Variants in ST6GAL1 observed in about 807,000 individuals in gnomAD.
ST6GAL1 encodes the protein beta-galactoside alpha-2,6-sialyltransferase 1.
In ST6GAL1, 20 loss-of-function variants were observed where a neutral mutation model predicts 38.0. That is an observed-to-expected ratio of 0.53 (90% CI 0.37 to 0.77). The LOEUF (loss-of-function observed/expected upper bound fraction) is 0.77, where lower values mean the gene tolerates loss of function less well. Among genes scored for constraint, ST6GAL1 ranks in the 30% least tolerant of loss-of-function variants. The pLI is 0.00. For missense variants in ST6GAL1, 432 were observed against 496.4 expected (o/e 0.87, Z 1.23); for synonymous variants, 196 against 188.2 (o/e 1.04, Z -0.34).
intron 2 of ST6GAL1, among the ~76,000 whole-genome samples, chr3:186,994,337 T>G (rs1188465925): frequency 6.6e-6 from 1 of 152,166 alleles, no homozygotes; most frequent in Non-Finnish European, 1.5e-5. Context: ...AATGTTTGTC[T>G]TTTTAGTGTA....
intron 1 of ST6GAL1, chr3:186,931,310 T>G (rs1322702517): frequency 4.0e-5 from 6 of 148,730 alleles, no homozygotes; most frequent in Non-Finnish European, 8.9e-5. Context: ...CGCCCTGCGG[T>G]GCCGGGCCAT....
chr3:187,043,927 T>A (rs1718212220), intron 4 of ST6GAL1: 1 of 152,246 alleles, frequency 6.6e-6, no homozygotes, highest in Admixed American at 6.5e-5. Flanking sequence ...GGTCAGTAAT[T>A]CTTAACTGGG....
chr3:186,950,961 A>G (rs182767703), intron 1 of ST6GAL1, among the ~76,000 whole-genome samples: 4 of 152,292 alleles, frequency 2.6e-5, no homozygotes, highest in Non-Finnish European at 4.4e-5. Flanking sequence ...CAAGTATCTC[A>G]TTTAGCCCTG....
At chr3:186,985,773 TC>T (rs1715896647) in intron 2 of ST6GAL1, among the ~76,000 whole-genome samples, 1 of 48,032 alleles carries the variant, frequency 2.1e-5, no homozygotes, top group African/African-American at 6.9e-5. Flanking sequence ...AGACCCTGTC[TC>T]AAAAAAAAAA....
intron 1 of ST6GAL1, among the ~76,000 whole-genome samples, chr3:186,958,836 C>T (rs1489800111): frequency 6.6e-6 from 1 of 151,780 alleles, no homozygotes; most frequent in African/African-American, 2.4e-5. Flanking sequence ...ACCTGTAATC[C>T]CAGCTACTCG....
At chr3:186,936,098 C>T (rs1713943853) in intron 1 of ST6GAL1, among the ~76,000 whole-genome samples, 3 of 152,272 alleles carry the variant, frequency 2.0e-5, no homozygotes, top group Admixed American at 6.5e-5. Context: ...GCTTAAAACA[C>T]TTTTGGCTCT....
chr3:187,058,203 G>A (rs528027609), intron 5 of ST6GAL1, among the ~76,000 whole-genome samples: 13 of 152,270 alleles, frequency 8.5e-5, no homozygotes, highest in African/African-American at 2.2e-4. Flanking sequence ...CGTCTGTCAC[G>A]ACTTCCCTTG....
chr3:186,939,277 C>T (rs1380112055), intron 1 of ST6GAL1, among the ~76,000 whole-genome samples: 3 of 151,742 alleles, frequency 2.0e-5, no homozygotes, highest in Non-Finnish European at 2.9e-5. Context: ...GGTGTCTCAC[C>T]GTGTTGCCCA....
chr3:187,035,045 T>A (rs574068881), intron 2 of ST6GAL1, among the ~76,000 whole-genome samples: 3 of 152,322 alleles, frequency 2.0e-5, no homozygotes, highest in African/African-American at 7.2e-5. Flanking sequence ...ATAAACAACT[T>A]CAGCAAAGTT....
intron 2 of ST6GAL1, among the ~76,000 whole-genome samples, chr3:186,990,029 AC>A (rs1248878454): frequency 6.6e-6 from 1 of 152,162 alleles, no homozygotes; most frequent in African/African-American, 2.4e-5. Context: ...CAGCTCCATG[AC>A]CTTGGGCAAG....
At chr3:186,979,395 G>A (rs1715619907) in intron 2 of ST6GAL1, among the ~76,000 whole-genome samples, 1 of 152,144 alleles carries the variant, frequency 6.6e-6, no homozygotes, top group Non-Finnish European at 1.5e-5. Flanking sequence ...GGGAAGTGAA[G>A]CTTAGGTCTT....
At chr3:186,975,591 A>C (rs560242875) in intron 2 of ST6GAL1, among the ~76,000 whole-genome samples, 4 of 152,314 alleles carry the variant, frequency 2.6e-5, no homozygotes, top group African/African-American at 9.6e-5. Flanking sequence ...ACTTCCCCAC[A>C]GTGTGTTCTT....
chr3:186,993,362 C>T (rs188659880), intron 2 of ST6GAL1, among the ~76,000 whole-genome samples: 16 of 152,198 alleles, frequency 1.1e-4, no homozygotes, highest in African/African-American at 3.6e-4. Context: ...GTCACCTGTA[C>T]GTCTTTCATT....
At chr3:187,061,069 G>A (rs563540030) in intron 5 of ST6GAL1, among the ~76,000 whole-genome samples, 18 of 152,170 alleles carry the variant, frequency 1.2e-4, no homozygotes, top group South Asian at 6.2e-4. Context: ...TCTATTATGT[G>A]CAATAACAAT....
At chr3:186,998,304 C>T (rs150754036) in intron 2 of ST6GAL1, among the ~76,000 whole-genome samples, 1 of 152,198 alleles carries the variant, frequency 6.6e-6, no homozygotes, top group East Asian at 1.9e-4. Context: ...ATCCTGTTAA[C>T]CAGAAGCCTT....
intron 2 of ST6GAL1, among the ~76,000 whole-genome samples, chr3:186,976,165 T>A (rs1715512411): frequency 6.6e-6 from 1 of 152,224 alleles, no homozygotes; most frequent in South Asian, 2.1e-4. Flanking sequence ...TTGTCCAAGG[T>A]CATCCAGTGA....
chr3:186,931,948 A>G (rs991337469), intron 1 of ST6GAL1, among the ~76,000 whole-genome samples: 1 of 152,240 alleles, frequency 6.6e-6, no homozygotes, highest in African/African-American at 2.4e-5. Context: ...TCAGCTTTGC[A>G]GATGTTAATC....
At chr3:187,053,924 A>C (rs1012575391) in intron 5 of ST6GAL1, among the ~76,000 whole-genome samples, 9 of 152,050 alleles carry the variant, frequency 5.9e-5, no homozygotes, top group African/African-American at 2.2e-4. Context: ...ATTCTTCCTA[A>C]CCATGAGCAT....
rs1184012906 is a variant in ST6GAL1 at position 186,930,745 on chromosome 3, G to A, written c.-414G>A. ...GGGCACTGCCCGGCGTTAACAAAGG[G>A]AGCCGATACCGACCGGCGTGGGCGC... On this transcript the variant is annotated 5_prime_UTR_variant, in exon 1 of 8. Transcript: ENST00000169298. 1 of 152,342 alleles carries A rather than the reference G, an allele frequency of 6.6e-6. No homozygotes were observed. Among genetic ancestry groups the A allele is most frequent in the African/African-American group, 2.4e-5 (1 of 41,474 alleles). The allele number at this position is 152,342 out of a possible 1,614,324, so 9.4% of individuals were successfully genotyped here.
Sources: allele counts gnomAD v4.1 joint callset (sites outside exome capture counted in the v4.1 genomes callset), GRCh38; gene constraint gnomAD v4.1.1; transcripts MANE v1.5; gene names NCBI Gene and HGNC (gene_info 2026-07-23, HGNC 2026-07-21).